Variants in ABTB3 observed in about 807,000 individuals in gnomAD.
The protein encoded by ABTB3 is ankyrin repeat- and BTB/POZ domain-containing protein 3.
At chr12:107,651,244 A>T in the ABTB3 span, among the ~76,000 whole-genome samples, 1 of 152,194 alleles carries the variant, frequency 6.6e-6, no homozygotes, top group African/African-American at 2.4e-5. Flanking sequence ...GAGGAGTGAG[A>T]CAGGGCAAGG....
the ABTB3 span, among the ~76,000 whole-genome samples, chr12:107,367,824 C>A: frequency 1.2e-4 from 18 of 152,222 alleles, no homozygotes; most frequent in South Asian, 3.3e-3. Flanking sequence ...CATTTTAGTT[C>A]TTCACTTTTT....
At chr12:107,470,523 C>G in the ABTB3 span, among the ~76,000 whole-genome samples, 1 of 152,194 alleles carries the variant, frequency 6.6e-6, no homozygotes, top group Non-Finnish European at 1.5e-5. Context: ...GTCAGCCAAG[C>G]CACCCCCATC....
At chr12:107,407,594 T>G in the ABTB3 span, among the ~76,000 whole-genome samples, 1 of 152,196 alleles carries the variant, frequency 6.6e-6, no homozygotes, top group Non-Finnish European at 1.5e-5. Context: ...CATTTCTGCC[T>G]CATTCTGTTG....
At chr12:107,562,743 C>G in the ABTB3 span, among the ~76,000 whole-genome samples, 50 of 152,336 alleles carry the variant, frequency 3.3e-4, no homozygotes, top group Middle Eastern at 3.4e-3. Context: ...CCCGCAGTAT[C>G]CTAAGTCTGC....
At chr12:107,345,276 T>A in the ABTB3 span, among the ~76,000 whole-genome samples, 1 of 152,148 alleles carries the variant, frequency 6.6e-6, no homozygotes, top group Non-Finnish European at 1.5e-5. Flanking sequence ...AGTAGACACC[T>A]TGATGGGCCT....
the ABTB3 span, among the ~76,000 whole-genome samples, chr12:107,494,202 G>T: frequency 1.3e-5 from 2 of 152,190 alleles, no homozygotes; most frequent in African/African-American, 2.4e-5. Flanking sequence ...ATTGGATCCT[G>T]AGTCTTGGTT....
chr12:107,557,245 A>G, the ABTB3 span, among the ~76,000 whole-genome samples: 1 of 152,224 alleles, frequency 6.6e-6, no homozygotes, highest in Admixed American at 6.5e-5. Flanking sequence ...GCTACATGGT[A>G]GAGCCTGTGG....
At chr12:107,574,538 C>A in the ABTB3 span, among the ~76,000 whole-genome samples, 17 of 152,136 alleles carry the variant, frequency 1.1e-4, no homozygotes, top group Non-Finnish European at 2.5e-4. Flanking sequence ...GCCTGGCCAA[C>A]ATAGTGAAAC....
At chr12:107,567,732 G>A in the ABTB3 span, among the ~76,000 whole-genome samples, 1 of 152,192 alleles carries the variant, frequency 6.6e-6, no homozygotes, top group Admixed American at 6.5e-5. Flanking sequence ...TCTCACAGGA[G>A]CACAAACCCT....
chr12:107,508,832 A>G, the ABTB3 span, among the ~76,000 whole-genome samples: 1 of 152,214 alleles, frequency 6.6e-6, no homozygotes, highest in Non-Finnish European at 1.5e-5. Context: ...ACATGGCGTT[A>G]TGCCCATGAG....
chr12:107,355,586 A>G, the ABTB3 span, among the ~76,000 whole-genome samples: 4 of 152,168 alleles, frequency 2.6e-5, no homozygotes, highest in African/African-American at 9.7e-5. Flanking sequence ...CCAATTTTCC[A>G]ACTTTCTATT....
the ABTB3 span, among the ~76,000 whole-genome samples, chr12:107,382,531 T>C: frequency 3.3e-5 from 5 of 152,338 alleles, no homozygotes; most frequent in East Asian, 9.6e-4. Flanking sequence ...TTTGCTGAAC[T>C]TGCTTATCAG....
the ABTB3 span, among the ~76,000 whole-genome samples, chr12:107,379,996 T>C: frequency 2.4e-4 from 36 of 152,334 alleles, no homozygotes; most frequent in Non-Finnish European, 4.9e-4. Context: ...CAGCCATCTA[T>C]CCACCTTCCA....
chr12:107,390,803 T>C, the ABTB3 span, among the ~76,000 whole-genome samples: 1 of 152,200 alleles, frequency 6.6e-6, no homozygotes, highest in Non-Finnish European at 1.5e-5. Context: ...TAGTTTAACT[T>C]ACATAACACA....
At chr12:107,362,322 G>C in the ABTB3 span, among the ~76,000 whole-genome samples, 1 of 152,228 alleles carries the variant, frequency 6.6e-6, no homozygotes, top group Non-Finnish European at 1.5e-5. Flanking sequence ...AGGAGGATGC[G>C]TGGATGAGCT....
the ABTB3 span, among the ~76,000 whole-genome samples, chr12:107,435,144 A>G: frequency 6.6e-6 from 1 of 152,218 alleles, no homozygotes; most frequent in African/African-American, 2.4e-5. Flanking sequence ...CAGAACATTA[A>G]TTAAACATAC....
chr12:107,618,032 C>A, the ABTB3 span: 1 of 806,844 alleles, frequency 1.2e-6, no homozygotes, highest in Non-Finnish European at 1.9e-6. Context: ...GAAAGTGCCA[C>A]CCATTGATCT....
the ABTB3 span, among the ~76,000 whole-genome samples, chr12:107,634,184 C>T: frequency 1.3e-5 from 2 of 152,286 alleles, no homozygotes; most frequent in Admixed American, 6.5e-5. Flanking sequence ...GCTTCTGCCT[C>T]GGGAACACAA....
the ABTB3 span, among the ~76,000 whole-genome samples, chr12:107,359,908 G>A: frequency 6.6e-6 from 1 of 152,054 alleles, no homozygotes; most frequent in Non-Finnish European, 1.5e-5. Flanking sequence ...TTTGACACCA[G>A]GGTTATTGCC....
Sources: allele counts gnomAD v4.1 joint callset (sites outside exome capture counted in the v4.1 genomes callset), GRCh38; gene constraint gnomAD v4.1.1; transcripts MANE v1.5; gene names NCBI Gene and HGNC (gene_info 2026-07-23, HGNC 2026-07-21).